Variants in ESRRG observed in about 807,000 individuals in gnomAD.
ESRRG encodes the protein estrogen related receptor gamma, also known as estrogen-related receptor gamma.
ESRRG carries 13 observed loss-of-function variants against 44.0 expected under a neutral mutation model. The ratio of observed to expected loss-of-function variants is 0.30; its 90% confidence interval spans 0.19 to 0.47. The LOEUF is 0.47. Ranked by LOEUF, ESRRG falls within the 20% of genes least tolerant of loss-of-function variation. ESRRG has a pLI of 1.00. For synonymous variants in ESRRG, 215 were observed against 214.6 expected (o/e 1.00, Z -0.02); for missense variants, 395 against 580.6 (o/e 0.68, Z 3.29).
intron 5 of ESRRG, among the ~76,000 whole-genome samples, chr1:216,556,676 A>T (rs2057655656): frequency 6.6e-6 from 1 of 152,128 alleles, no homozygotes; most frequent in Non-Finnish European, 1.5e-5. Flanking sequence ...CTCAAGTCAC[A>T]TCTTCTTCCC....
intron 2 of ESRRG, among the ~76,000 whole-genome samples, chr1:216,775,598 G>GCGTCTCAC (rs1355996824): frequency 1.0e-5 from 1 of 96,614 alleles, no homozygotes; most frequent in Non-Finnish European, 2.1e-5. Flanking sequence ...TTTTTAGACA[G>GCGTCTCAC]CGTCTCACGC....
intron 2 of ESRRG, among the ~76,000 whole-genome samples, chr1:216,652,083 C>A (rs2069130727): frequency 6.6e-6 from 1 of 152,102 alleles, no homozygotes; most frequent in South Asian, 2.1e-4. Flanking sequence ...GCATTAGTAT[C>A]TTAATGAAAA....
At chr1:217,063,791 T>C (rs1192552308) in intron 1 of ESRRG, among the ~76,000 whole-genome samples, 1 of 152,184 alleles carries the variant, frequency 6.6e-6, no homozygotes, top group Non-Finnish European at 1.5e-5. Context: ...TAGAGAGTCT[T>C]ACTCAAAGCA....
At chr1:216,660,651 C>A (rs1332714085) in intron 2 of ESRRG, among the ~76,000 whole-genome samples, 2 of 152,184 alleles carry the variant, frequency 1.3e-5, no homozygotes, top group African/African-American at 4.8e-5. Flanking sequence ...GCTATTGTTG[C>A]CAGTCAGAAA....
At chr1:216,759,931 T>C (rs2092678948) in intron 2 of ESRRG, among the ~76,000 whole-genome samples, 1 of 152,084 alleles carries the variant, frequency 6.6e-6, no homozygotes, top group Non-Finnish European at 1.5e-5. Context: ...CTCTCCTTAC[T>C]TGCCTAGTTC....
intron 2 of ESRRG, among the ~76,000 whole-genome samples, chr1:216,854,776 G>A (rs1317814373): frequency 1.3e-5 from 2 of 152,072 alleles, no homozygotes; most frequent in African/African-American, 2.4e-5. Flanking sequence ...ACAATTTAAC[G>A]TATCTTGTGT....
At chr1:217,092,521 G>A (rs530564608), upstream of ESRRG, among the ~76,000 whole-genome samples, 98 of 152,226 alleles carry the variant, frequency 6.4e-4, no homozygotes, top group South Asian at 2.1e-4. Context: ...CTGAGTGTTC[G>A]CCATCAAGCT....
chr1:217,032,759 T>G (rs2082259510), intron 1 of ESRRG, among the ~76,000 whole-genome samples: 1 of 152,204 alleles, frequency 6.6e-6, no homozygotes, highest in Non-Finnish European at 1.5e-5. Flanking sequence ...GAATTCTCCA[T>G]CTCCCAAATG....
intron 1 of ESRRG, among the ~76,000 whole-genome samples, chr1:216,711,884 G>A (rs898841299): frequency 2.0e-5 from 3 of 152,098 alleles, no homozygotes; most frequent in African/African-American, 4.8e-5. Flanking sequence ...TTCAATTATT[G>A]TGTTGAATCA....
chr1:216,898,075 C>G (rs546064210), intron 2 of ESRRG, among the ~76,000 whole-genome samples: 1 of 152,094 alleles, frequency 6.6e-6, no homozygotes, highest in African/African-American at 2.4e-5. Flanking sequence ...AAAGTTGTGT[C>G]CTTAGCACAC....
chr1:216,605,195 T>C (rs935203388), intron 3 of ESRRG, among the ~76,000 whole-genome samples: 4 of 152,206 alleles, frequency 2.6e-5, no homozygotes, highest in Admixed American at 2.6e-4. Flanking sequence ...CAGTGTTATA[T>C]GAAAATAGTA....
intron 2 of ESRRG, among the ~76,000 whole-genome samples, chr1:216,783,502 C>T (rs1224907332): frequency 1.3e-5 from 2 of 152,072 alleles, no homozygotes; most frequent in South Asian, 2.1e-4. Context: ...TTTACCTCAT[C>T]GGAAATCACA....
At chr1:216,629,839 G>A (rs2063816606) in intron 3 of ESRRG, among the ~76,000 whole-genome samples, 1 of 152,152 alleles carries the variant, frequency 6.6e-6, no homozygotes, top group Non-Finnish European at 1.5e-5. Flanking sequence ...CACAGTCACA[G>A]AGCTCAAATT....
At chr1:216,673,723 T>C (rs2151437960) in intron 2 of ESRRG, among the ~76,000 whole-genome samples, 1 of 152,356 alleles carries the variant, frequency 6.6e-6, no homozygotes, top group Admixed American at 6.5e-5. Flanking sequence ...TTGAGACATG[T>C]ATTAGGAAAT....
chr1:216,713,337 T>C (rs925053834), intron 1 of ESRRG, among the ~76,000 whole-genome samples: 2 of 151,190 alleles, frequency 1.3e-5, no homozygotes, highest in Non-Finnish European at 2.9e-5. Context: ...GAATCCTAAC[T>C]TTATAATTAA....
intron 2 of ESRRG, among the ~76,000 whole-genome samples, chr1:216,777,873 C>G (rs956663007): frequency 2.0e-5 from 3 of 152,102 alleles, no homozygotes; most frequent in Admixed American, 2.0e-4. Context: ...TACAAGTTCT[C>G]TCTATTCCAT....
intron 1 of ESRRG, among the ~76,000 whole-genome samples, chr1:216,710,587 T>A (rs1461369983): frequency 6.6e-6 from 1 of 152,240 alleles, no homozygotes; most frequent in African/African-American, 2.4e-5. Flanking sequence ...TGTGAGTCAC[T>A]ACTTTGAGTC....
chr1:216,690,751 C>G (rs1173737983), intron 1 of ESRRG, among the ~76,000 whole-genome samples: 4 of 152,120 alleles, frequency 2.6e-5, no homozygotes, highest in African/African-American at 9.7e-5. Context: ...ACTTCTACCT[C>G]TCATTTACAC....
chr1:216,568,969 G>A (rs969665782), intron 3 of ESRRG, among the ~76,000 whole-genome samples: 5 of 151,874 alleles, frequency 3.3e-5, no homozygotes, highest in African/African-American at 7.3e-5. Flanking sequence ...CAGGAGAATC[G>A]CTTGAACCCG....
Sources: allele counts gnomAD v4.1 joint callset (sites outside exome capture counted in the v4.1 genomes callset), GRCh38; gene constraint gnomAD v4.1.1; transcripts MANE v1.5; gene names NCBI Gene and HGNC (gene_info 2026-07-23, HGNC 2026-07-21).